The following COL5A3 variants were observed in gnomAD, a reference collection of about 807,000 sequenced individuals.
COL5A3 encodes collagen alpha-3(V) chain.
In COL5A3, 172 loss-of-function variants were observed where a neutral mutation model predicts 250.0. The observed-to-expected ratio is 0.69, with a 90% CI of 0.61 to 0.78. The LOEUF (loss-of-function observed/expected upper bound fraction) is 0.78. COL5A3 is among the 30% of genes least tolerant of loss of function. COL5A3 has a pLI of 0.00. For synonymous variants in COL5A3, 937 were observed against 900.4 expected (o/e 1.04, Z -0.73); for missense variants, 2,340 against 2,334.4 (o/e 1.00, Z -0.05).
At chr19:9,995,987 T>C in intron 15 of COL5A3, 79 bp downstream of exon 15, 1 of 1,332,042 alleles carries the variant, frequency 7.5e-7, no homozygotes, top group South Asian at 1.7e-5. Context: ...TTTGGCACTT[T>C]CCCCATCCAG....
intron 26 of COL5A3, 33 bp from the exon 27 acceptor site, chr19:9,989,210 A>G: frequency 6.2e-7 from 1 of 1,613,704 alleles, no homozygotes; most frequent in Non-Finnish European, 8.5e-7. Flanking sequence ...GCCATTCTAG[A>G]CAGTCCCTTC....
intron 5 of COL5A3, 92 bp downstream of exon 5, chr19:10,003,949 G>A (rs1160937182): frequency 8.7e-7 from 1 of 1,145,862 alleles, no homozygotes; most frequent in African/African-American, 1.5e-5. Flanking sequence ...CCCCATGTCT[G>A]GGGGATGAGA....
At position 10,004,140 on chromosome 19, in the gene COL5A3, G is replaced by A; in HGVS notation, c.600C>T (p.Asp200=). The A allele has an allele frequency of 6.2e-7, 1 of 1,613,144 alleles. No homozygotes were observed. Among genetic ancestry groups the A allele is most frequent in the Non-Finnish European group, 8.5e-7 (1 of 1,179,184 alleles). Residue 200 remains aspartate (D), a synonymous_variant, in exon 5 of 67, where the codon GAC becomes GAT. Coordinates refer to ENST00000264828, the MANE Select transcript of COL5A3 (RefSeq NM_015719.4). ...CTGGGCTTATCAGCAGCTCCTGAATGTCTCCCTGGGGGTTGGGGGTGTAGG... is the reference window on the plus strand; with the variant it reads ...CTGGGCTTATCAGCAGCTCCTGAATATCTCCCTGGGGGTTGGGGGTGTAGG... The part of the protein sequence containing the change: ...QDLGEKTFEG[D]IQELLISPDP...
intron 61 of COL5A3, chr19:9,967,622 T>C (rs2086773185): frequency 1.8e-6 from 1 of 566,286 alleles, no homozygotes; most frequent in African/African-American, 1.9e-5. Flanking sequence ...TCTTTTCATG[T>C]TTTAATGTCT....
chr19:10,010,248 G>T, intron 1 of COL5A3, 50 bp downstream of exon 1: 3 of 1,118,552 alleles, frequency 2.7e-6, no homozygotes, highest in Non-Finnish European at 3.5e-6. Flanking sequence ...CTCTTTTAGA[G>T]CCTCTCTGAG....
At chr19:9,995,868 T>G in intron 15 of COL5A3, 198 bp downstream of exon 15, 1 of 607,888 alleles carries the variant, frequency 1.6e-6, no homozygotes. Flanking sequence ...GGTCTTGAAC[T>G]CCTGGCCTCA....
At chr19:10,004,246 G>C (rs1341309138) in intron 4 of COL5A3, 101 bp from the exon 5 acceptor site, 1 of 781,296 alleles carries the variant, frequency 1.3e-6, no homozygotes, top group Non-Finnish European at 2.2e-6. Context: ...CCTGGCACCA[G>C]GGTGCAATGC....
In COL5A3 at chr19:9,976,609, G is replaced by C. The variant is rs2086926750; in HGVS notation, c.3291C>G (p.Gly1097=). Residue 1097 remains glycine (G), a splice_region_variant and synonymous_variant, in exon 45 of 67, where the codon GGC becomes GGG. Coordinates refer to ENST00000264828, the MANE Select transcript of COL5A3 (RefSeq NM_015719.4). ...KGSKGDKGDA[G]PPGQPGIRGP... ...CCCGTATCCCTGGTTGTCCAGGTGG[G>C]CCCTGGGAGAACAGGAAACAGAATC... is the stretch of plus-strand genomic sequence containing the variant. 6.3e-7 allele frequency: 1 copy of C among 1,575,972 alleles called. No individual in the cohort carries two copies. The highest frequency in any genetic ancestry group is 8.6e-7 in the Non-Finnish European group (1 of 1,164,868).
intron 27 of COL5A3, among the ~76,000 whole-genome samples, chr19:9,987,286 G>A (rs1304848687): frequency 6.6e-6 from 1 of 152,222 alleles, no homozygotes; most frequent in Admixed American, 6.5e-5. Context: ...AGCCCATGTG[G>A]TTAGTCTCCA....
At chr19:10,001,724 C>T (rs754316558) in intron 7 of COL5A3, 44 bp downstream of exon 7, 2 of 1,612,400 alleles carry the variant, frequency 1.2e-6, no homozygotes, top group African/African-American at 2.7e-5. Flanking sequence ...TTTTCTGCCA[C>T]CCCCGTAACC....
In COL5A3 at chr19:9,986,761, G is replaced by GAAAA; in HGVS notation, c.2146-4_2146-3insTTTT. 2 of 1,572,830 alleles carry GAAAA rather than the reference G, an allele frequency of 1.3e-6. No individual in the cohort carries two copies. Among genetic ancestry groups the GAAAA allele is most frequent in the Admixed American group, 3.6e-5 (2 of 55,594 alleles). ...AGGCCCCGGTTGCCTGAAGTGCCCT[G>GAAAA]GAAAATAAAAAAAAAAAGCTCTCAA... On this transcript the variant is annotated splice_polypyrimidine_tract_variant and splice_region_variant and intron_variant, in intron 27 of 66. Transcript: ENST00000264828.
intron 45 of COL5A3, among the ~76,000 whole-genome samples, chr19:9,975,573 G>C (rs1474627221): frequency 1.3e-5 from 2 of 152,204 alleles, no homozygotes; most frequent in Non-Finnish European, 2.9e-5. Context: ...CTGGGGTTGA[G>C]TCCATATTGG....
At chr19:9,994,401 C>T (rs1293407749) in intron 16 of COL5A3, among the ~76,000 whole-genome samples, 1 of 151,498 alleles carries the variant, frequency 6.6e-6, no homozygotes, top group African/African-American at 2.4e-5. Flanking sequence ...ACAAGCTGGT[C>T]TCAAACTCCT....
chr19:9,967,057 T>TTG (rs3837947), intron 62 of COL5A3, among the ~76,000 whole-genome samples: 3 of 151,650 alleles, frequency 2.0e-5, no homozygotes. Flanking sequence ...GGCGCCAGTA[T>TTG]AGACAGAGAC....
chr19:10,005,798 G>A lies in COL5A3; in HGVS notation c.435C>T (p.Gly145=), dbSNP rs915268885. The A allele has an allele frequency of 3.7e-6, 6 of 1,609,470 alleles. No homozygotes were observed. Among genetic ancestry groups the A allele is most frequent in the Non-Finnish European group, 5.1e-6 (6 of 1,177,208 alleles). Residue 145 remains glycine, a splice_region_variant and synonymous_variant, in exon 3 of 67, where the codon GGC becomes GGT. Coordinates refer to ENST00000264828, the MANE Select transcript of COL5A3 (RefSeq NM_015719.4). The part of the protein sequence containing the change: ...PLPQQVNLTD[G]RWHRVAVSID... ...CCGCCCACTCTCCCCATGCTCACCT[G>A]CCATCTGTGAGGTTGACCTGCTGGG...
At chr19:10,007,935 CTT>C (rs1005729888) in intron 1 of COL5A3, among the ~76,000 whole-genome samples, 1 of 151,722 alleles carries the variant, frequency 6.6e-6, no homozygotes, top group African/African-American at 2.4e-5. Context: ...CTCTCTCTCT[CTT>C]TCTCTCATTC....
chr19:9,971,328 A>C, intron 51 of COL5A3, 70 bp from the exon 52 acceptor site: 5 of 1,199,782 alleles, frequency 4.2e-6, no homozygotes, highest in Non-Finnish European at 4.7e-6. Context: ...GGAACAGATC[A>C]ACTGTATCCA....
intron 8 of COL5A3, among the ~76,000 whole-genome samples, chr19:10,000,116 A>AC (rs145289987): frequency 1.3e-5 from 2 of 151,816 alleles, no homozygotes; most frequent in Non-Finnish European, 2.9e-5. Flanking sequence ...ATAAAAAAAA[A>AC]GCCTAAAATT....
chr19:9,997,346 G>A (rs1416773426), intron 11 of COL5A3, 25 bp downstream of exon 11: 1 of 1,579,000 alleles, frequency 6.3e-7, no homozygotes. Flanking sequence ...TCTGAGAAGT[G>A]TACACCCCAG....
Sources: gnomAD v4.1 joint callset for allele counts (sites outside exome capture counted in the v4.1 genomes callset) on GRCh38, gnomAD v4.1.1 for gene constraint, MANE v1.5 for transcripts, NCBI Gene and HGNC (gene_info 2026-07-23, HGNC 2026-07-21) for gene names.